Variants in TPO observed in about 807,000 individuals in gnomAD.
TPO encodes thyroid peroxidase.
Under a neutral mutation model 96.9 loss-of-function variants are expected in TPO, and 78 were observed. The observed-to-expected ratio is 0.81, with a 90% CI of 0.67 to 0.97. The LOEUF (loss-of-function observed/expected upper bound fraction) is 0.97, where lower values mean the gene tolerates loss of function less well. Among genes scored for constraint, TPO ranks in the 50% least tolerant of loss-of-function variants. The probability of loss-of-function intolerance (pLI) is 0.00; values close to 1 mark genes in which losing one functional copy is unlikely to be tolerated. For missense variants in TPO, 1,252 were observed against 1,274.8 expected (o/e 0.98, Z 0.27); for synonymous variants, 547 against 538.0 (o/e 1.02, Z -0.23).
At chr2:1,530,243 C>G (rs76380155) in intron 15 of TPO, among the ~76,000 whole-genome samples, 7 of 3,828 alleles carry the variant, frequency 1.8e-3, no homozygotes, top group Admixed American at 6.8e-3. Flanking sequence ...ACTGTGTGCA[C>G]CCCCCAAAAA....
At chr2:1,386,877 T>A (rs566361177) in intron 1 of TPO, among the ~76,000 whole-genome samples, 1 of 152,348 alleles carries the variant, frequency 6.6e-6, no homozygotes, top group African/African-American at 2.4e-5. Context: ...GTTTAGTGCT[T>A]CCTTCAGGAA....
chr2:1,395,708 G>T (rs899649731), intron 1 of TPO, among the ~76,000 whole-genome samples: 1 of 152,102 alleles, frequency 6.6e-6, no homozygotes, highest in South Asian at 2.1e-4. Context: ...TCATGGGGGT[G>T]GGTTTTTCTC....
chr2:1,525,185 C>T lies in TPO; in HGVS notation c.2618+8203C>T, dbSNP rs1244194714. ...CTCAAGTCCCCCACTGTGTGCAATC[C>T]GCCCAAGTCCCCCCACTGTGCAACC... On this transcript the variant is annotated intron_variant, in intron 15 of 16. Coordinates refer to ENST00000329066, the MANE Select transcript of TPO (RefSeq NM_001206744.2). Among the ~76,000 whole-genome samples, 21 of 131,216 alleles carry T rather than the reference C, an allele frequency of 1.6e-4. 3 individuals are homozygous for T. Among genetic ancestry groups the T allele is most frequent in the African/African-American group, 2.3e-4 (8 of 34,956 alleles). The allele number at this position is 131,216 out of a possible 152,430, so 86.1% of individuals were successfully genotyped here. A position where few individuals can be genotyped will look rare whatever the true frequency, so the allele number is the denominator to read the frequency against.
At chr2:1,536,599 C>A (rs1250606619) in intron 15 of TPO, among the ~76,000 whole-genome samples, 1 of 59,738 alleles carries the variant, frequency 1.7e-5, no homozygotes, top group Middle Eastern at 9.4e-3. Flanking sequence ...CCACTGTGTG[C>A]ATTCTCCTCA....
At chr2:1,535,331 C>T (rs1249078143) in intron 15 of TPO, among the ~76,000 whole-genome samples, 1 of 90,198 alleles carries the variant, frequency 1.1e-5, no homozygotes, top group Non-Finnish European at 2.3e-5. Flanking sequence ...CAAATCCCCC[C>T]CACTGTATGC....
At chr2:1,375,842 C>T (rs1361373085) in intron 1 of TPO, among the ~76,000 whole-genome samples, 1 of 152,178 alleles carries the variant, frequency 6.6e-6, no homozygotes, top group Non-Finnish European at 1.5e-5. Context: ...CACCTCCTCA[C>T]TGCGAATCTC....
At chr2:1,377,117 C>G (rs916500323) in intron 1 of TPO, among the ~76,000 whole-genome samples, 26 of 152,166 alleles carry the variant, frequency 1.7e-4, no homozygotes, top group Non-Finnish European at 3.4e-4. Flanking sequence ...AATGTTTTCT[C>G]CCTTAATAAA....
chr2:1,538,425 T>C (rs1470473325), intron 15 of TPO, among the ~76,000 whole-genome samples: 1 of 152,188 alleles, frequency 6.6e-6, no homozygotes, highest in Non-Finnish European at 1.5e-5. Context: ...TCAGGATTAT[T>C]TGACAAGGAT....
At chr2:1,489,305 C>A (rs1671490595) in intron 10 of TPO, among the ~76,000 whole-genome samples, 1 of 151,498 alleles carries the variant, frequency 6.6e-6, no homozygotes, top group Non-Finnish European at 1.5e-5. Context: ...GCCCAGCACA[C>A]ACCCACACAT....
chr2:1,479,411 A>G (rs865810770), intron 8 of TPO, among the ~76,000 whole-genome samples: 26 of 152,334 alleles, frequency 1.7e-4, no homozygotes, highest in South Asian at 1.2e-3. Context: ...AATCTCAAAA[A>G]TAATTCTGGA....
At chr2:1,436,206 A>C in intron 4 of TPO, 46 bp from the exon 5 acceptor site, 4 of 1,613,932 alleles carry the variant, frequency 2.5e-6, no homozygotes, top group African/African-American at 1.3e-5. Flanking sequence ...TGTTAGGTGG[A>C]TTTGTGGTTA....
At chr2:1,537,412 TCCCCAAACCCTCCCATTGTGTGCAAAC>T (rs1680005541) in intron 15 of TPO, among the ~76,000 whole-genome samples, 16 of 108,682 alleles carry the variant, frequency 1.5e-4, no homozygotes, top group South Asian at 6.5e-4. Flanking sequence ...GTGAGCAACC[TCCCCAAACCCTCCCATTGTGTGCAAAC>T]TCCCAAATCT....
chr2:1,537,950 C>T (rs1284981692), intron 15 of TPO, among the ~76,000 whole-genome samples: 1 of 105,816 alleles, frequency 9.5e-6, no homozygotes, highest in Non-Finnish European at 1.8e-5. Context: ...TCCCGAAATC[C>T]CCCGTAGTGT....
In TPO at chr2:1,418,211, C is replaced by T. The variant is rs191362088; in HGVS notation, c.94+3709C>T. Among the ~76,000 whole-genome samples the T allele has an allele frequency of 1.8e-3, 273 of 150,514 alleles. 1 individual carries two copies. Among genetic ancestry groups the T allele is most frequent in the African/African-American group, 6.4e-3 (260 of 40,820 alleles). The stretch of plus-strand genomic sequence containing the variant: ...CTGAGGCACGAGAATCAGTTGAACC[C>T]AGGAGGTGGAGGTTGCAGAGTCGAG... On this transcript the variant is annotated intron_variant, in intron 2 of 16. Coordinates refer to ENST00000329066, the MANE Select transcript of TPO (RefSeq NM_001206744.2).
chr2:1,375,212 G>C lies in TPO; in HGVS notation n.180+810G>C, dbSNP rs535994397. Among the ~76,000 whole-genome samples, 113 of 151,638 alleles carry C rather than the reference G, an allele frequency of 7.5e-4. 2 individuals carry two copies. The South Asian group carries it at 0.023, about 31-fold the overall frequency. ...GAAAAATCATGTTGGTTAGGCAGAC[G>C]ATAGGAGAGATGGGCTCGACTCAGA... On this transcript the variant is annotated intron_variant and non_coding_transcript_variant, in intron 1 of 5. Coordinates refer to the TPO transcript ENST00000497517.
At chr2:1,399,928 T>G (rs1184141868) in intron 1 of TPO, among the ~76,000 whole-genome samples, 1 of 152,140 alleles carries the variant, frequency 6.6e-6, no homozygotes, top group Non-Finnish European at 1.5e-5. Flanking sequence ...TGTCCTGCAT[T>G]TTACTGGTAG....
At chr2:1,488,502 C>G (rs1001776818) in intron 10 of TPO, among the ~76,000 whole-genome samples, 3 of 152,126 alleles carry the variant, frequency 2.0e-5, no homozygotes, top group Admixed American at 6.5e-5. Flanking sequence ...CCGGCTCCTG[C>G]CTTTCCCAGG....
At chr2:1,445,641 T>G (rs868136026) in intron 5 of TPO, among the ~76,000 whole-genome samples, 25 of 140,806 alleles carry the variant, frequency 1.8e-4, no homozygotes, top group African/African-American at 4.2e-4. Context: ...TGGGGCAGGC[T>G]CCTTGTTTGT....
chr2:1,504,368 A>G (rs1340862207), intron 14 of TPO, among the ~76,000 whole-genome samples: 1 of 152,148 alleles, frequency 6.6e-6, no homozygotes, highest in East Asian at 1.9e-4. Flanking sequence ...AGCCTAGATC[A>G]CACCCCAGAC....
Sources: allele counts gnomAD v4.1 joint callset (sites outside exome capture counted in the v4.1 genomes callset), GRCh38; gene constraint gnomAD v4.1.1; transcripts MANE v1.5; gene names NCBI Gene and HGNC (gene_info 2026-07-23, HGNC 2026-07-21).